The following GMDS variants were observed in gnomAD, a reference collection of about 807,000 sequenced individuals.
GMDS encodes GDP-mannose 4,6 dehydratase.
Under a neutral mutation model 49.9 loss-of-function variants are expected in GMDS, and 20 were observed. That is an observed-to-expected ratio of 0.40 (90% confidence interval 0.28 to 0.58). GMDS has a LOEUF of 0.58. Among genes scored for constraint, GMDS ranks in the 20% least tolerant of loss-of-function variants. GMDS has a pLI of 0.42. For synonymous variants in GMDS, 177 were observed against 178.6 expected (o/e 0.99, Z 0.07); for missense variants, 362 against 481.4 (o/e 0.75, Z 2.32).
intron 7 of GMDS, among the ~76,000 whole-genome samples, chr6:1,866,110 G>GA (rs1758430371): frequency 6.6e-6 from 1 of 152,210 alleles, no homozygotes. Flanking sequence ...ACAGGGAGGT[G>GA]AAAGCTGTCA....
intron 4 of GMDS, among the ~76,000 whole-genome samples, chr6:2,023,742 G>A (rs1342858421): frequency 2.0e-5 from 3 of 152,156 alleles, no homozygotes; most frequent in Non-Finnish European, 4.4e-5. Context: ...GTGAGTAGGA[G>A]ACATCATGCT....
chr6:1,733,896 G>A (rs905661640), intron 8 of GMDS, among the ~76,000 whole-genome samples: 11 of 152,048 alleles, frequency 7.2e-5, no homozygotes, highest in African/African-American at 1.9e-4. Context: ...GAGGCTGAGC[G>A]GCAGCCTGAG....
At chr6:1,729,114 C>T (rs957494624) in intron 8 of GMDS, among the ~76,000 whole-genome samples, 1 of 152,186 alleles carries the variant, frequency 6.6e-6, no homozygotes, top group African/African-American at 2.4e-5. Flanking sequence ...TAGCAGTGGC[C>T]TGCACGGCTA....
intron 4 of GMDS, among the ~76,000 whole-genome samples, chr6:1,987,282 CT>C (rs921000209): frequency 3.6e-5 from 2 of 55,780 alleles, no homozygotes; most frequent in Non-Finnish European, 7.7e-5. Flanking sequence ...CTTTTTTCAA[CT>C]TTTTTTTTCT....
intron 4 of GMDS, among the ~76,000 whole-genome samples, chr6:2,093,506 G>T (rs916161377): frequency 2.6e-5 from 4 of 152,188 alleles, no homozygotes; most frequent in Middle Eastern, 3.4e-3. Context: ...ACCAATTATA[G>T]ATAACCAGGG....
intron 7 of GMDS, among the ~76,000 whole-genome samples, chr6:1,878,479 G>A (rs896988332): frequency 2.0e-5 from 3 of 152,106 alleles, no homozygotes; most frequent in Admixed American, 6.6e-5. Context: ...TTGGCTCTAC[G>A]GATGTGCCCA....
rs116597099 is a variant in GMDS at position 1,970,903 on chromosome 6, C to T, written c.346-9937G>A. On this transcript the variant is annotated intron_variant, in intron 4 of 10. Coordinates refer to ENST00000380815, the MANE Select transcript of GMDS (RefSeq NM_001500.4). The stretch of plus-strand genomic sequence containing the variant: ...ATAGGTGCAGCCAACCAGCATGGCA[C>T]GTGTTTACCTGTGTAACATACCTGC... Among the ~76,000 whole-genome samples, 754 of 145,800 alleles carry T rather than the reference C, an allele frequency of 5.2e-3. 5 individuals carry two copies. Among genetic ancestry groups the T allele is most frequent in the African/African-American group, 0.018 (725 of 39,690 alleles).
In GMDS at chr6:1,997,779, C is replaced by T. The variant is rs546039875; in HGVS notation, c.346-36813G>A. On this transcript the variant is annotated intron_variant, in intron 4 of 10. Transcript: ENST00000380815. ...CAAACAGAGACTTCCACAAGTGCAT[C>T]GAGGGGCACCTGCCAACTACCCACA... Among the ~76,000 whole-genome samples, 31 of 152,146 alleles carry T rather than the reference C, an allele frequency of 2.0e-4. 3 individuals carry two copies. In the South Asian group the frequency reaches 5.6e-3, roughly 28 times the overall value.
intron 7 of GMDS, among the ~76,000 whole-genome samples, chr6:1,807,512 G>T (rs1057355999): frequency 6.6e-6 from 1 of 152,220 alleles, no homozygotes; most frequent in Non-Finnish European, 1.5e-5. Flanking sequence ...CATGAGGGCA[G>T]AAACTGTGTC....
chr6:2,038,457 T>C (rs770976198), intron 4 of GMDS, among the ~76,000 whole-genome samples: 5 of 152,182 alleles, frequency 3.3e-5, no homozygotes, highest in Non-Finnish European at 7.3e-5. Flanking sequence ...CCTTCACTCC[T>C]GGTCCCCACC....
At position 1,766,466 on chromosome 6, in the gene GMDS, T is replaced by C. The variant is rs1768357711; in HGVS notation, c.772-23880A>G. 6.6e-6 allele frequency among the ~76,000 whole-genome samples: 1 copy of C among 152,150 alleles called. No homozygotes were observed. The highest frequency in any genetic ancestry group is 1.5e-5 in the Non-Finnish European group (1 of 68,004). ...TCTTGAGAATCCTAATGGGAACCAA[T>C]GAAGAAATGAGTATCATATTTATAT... On this transcript the variant is annotated intron_variant, in intron 7 of 10. Coordinates refer to ENST00000380815, the MANE Select transcript of GMDS (RefSeq NM_001500.4). This position sits in a 1 kb window ranked among gnomAD's most constrained non-coding sequence, Gnocchi z 4.5.
chr6:2,071,945 C>G (rs575809501), intron 4 of GMDS, among the ~76,000 whole-genome samples: 3 of 151,974 alleles, frequency 2.0e-5, no homozygotes, highest in Non-Finnish European at 2.9e-5. Context: ...ATTAAAGCAA[C>G]GAAGGGGGGA....
chr6:1,812,431 T>A (rs969417419), intron 7 of GMDS, among the ~76,000 whole-genome samples: 7 of 151,798 alleles, frequency 4.6e-5, no homozygotes, highest in African/African-American at 1.7e-4. Flanking sequence ...AAACCAGAGG[T>A]TCCCAGTGTT....
At chr6:1,683,662 A>T (rs1462758376) in intron 9 of GMDS, among the ~76,000 whole-genome samples, 2 of 152,124 alleles carry the variant, frequency 1.3e-5, no homozygotes, top group Non-Finnish European at 2.9e-5. Flanking sequence ...TGGGGGAAAA[A>T]CCTTTAGACA....
rs372012346 is a variant in GMDS, at chr6:2,201,303, C to T, written c.102+44018G>A. Among the ~76,000 whole-genome samples, 73 of 132,598 alleles carry T rather than the reference C, an allele frequency of 5.5e-4. 1 individual carries two copies. The East Asian group carries it at 0.011, about 19-fold the overall frequency. The allele number at this position is 132,598 out of a possible 152,430, so 87.0% of individuals were successfully genotyped here. A position where few individuals can be genotyped will look rare whatever the true frequency, so the allele number is the denominator to read the frequency against. ...GAAGACAGAACACCACATGCGCATC[C>T]GAGATGAAACCATCTAGGCAGTGAG... On this transcript the variant is annotated intron_variant, in intron 1 of 10. Transcript: ENST00000380815.
At chr6:1,920,800 G>A (rs929760757) in intron 7 of GMDS, among the ~76,000 whole-genome samples, 2 of 152,180 alleles carry the variant, frequency 1.3e-5, no homozygotes, top group African/African-American at 2.4e-5. Context: ...GGCAGAACAG[G>A]CTGGGGTGGA....
chr6:1,713,029 C>T (rs926798300), intron 9 of GMDS, among the ~76,000 whole-genome samples: 7 of 152,160 alleles, frequency 4.6e-5, no homozygotes, highest in Non-Finnish European at 8.8e-5. Context: ...TGCGTTTCTC[C>T]CAAAGCAACA....
chr6:2,086,789 T>C (rs1226404565), intron 4 of GMDS, among the ~76,000 whole-genome samples: 1 of 152,216 alleles, frequency 6.6e-6, no homozygotes, highest in Non-Finnish European at 1.5e-5. Flanking sequence ...GCCAAGATTA[T>C]GAAAGAAGGG....
At chr6:2,181,727 G>A (rs911949787) in intron 1 of GMDS, among the ~76,000 whole-genome samples, 9 of 152,088 alleles carry the variant, frequency 5.9e-5, no homozygotes, top group African/African-American at 2.2e-4. Flanking sequence ...AAATGTAATC[G>A]GAAAATGTCA....
Sources: allele counts gnomAD v4.1 joint callset (sites outside exome capture counted in the v4.1 genomes callset), GRCh38; gene constraint gnomAD v4.1.1; non-coding constraint Gnocchi (gnomAD v3.1); transcripts MANE v1.5; gene names NCBI Gene and HGNC (gene_info 2026-07-23, HGNC 2026-07-21).